Variants in NUP160 observed in about 807,000 individuals in gnomAD.
NUP160 encodes nucleoporin 160, also known as nuclear pore complex protein Nup160.
In NUP160, 94 loss-of-function variants were observed where a neutral mutation model predicts 196.9. The observed-to-expected ratio is 0.48, with a 90% CI of 0.40 to 0.57. The LOEUF is 0.57. Among genes scored for constraint, NUP160 ranks in the 20% least tolerant of loss-of-function variants. The pLI, the probability that NUP160 is intolerant of heterozygous loss-of-function variation, is 0.00. For synonymous variants in NUP160, 605 were observed against 619.7 expected (o/e 0.98, Z 0.35); for missense variants, 1,638 against 1,748.3 (o/e 0.94, Z 1.13).
chr11:47,814,333 G>C (rs1032355222), intron 13 of NUP160, among the ~76,000 whole-genome samples: 1 of 151,752 alleles, frequency 6.6e-6, no homozygotes, highest in Non-Finnish European at 1.5e-5. Context: ...CTGAGCCCAG[G>C]AATTTGAGAC....
intron 27 of NUP160, among the ~76,000 whole-genome samples, chr11:47,795,276 C>A (rs974497029): frequency 1.3e-5 from 2 of 152,060 alleles, no homozygotes; most frequent in Non-Finnish European, 2.9e-5. Flanking sequence ...TTTTGAATAC[C>A]TGCAATATGT....
At chr11:47,831,797 C>T (rs572050708) in intron 7 of NUP160, among the ~76,000 whole-genome samples, 68 of 124,908 alleles carry the variant, frequency 5.4e-4, no homozygotes, top group Admixed American at 9.5e-4. Context: ...GAGCTGAGAT[C>T]GCGCCACTGT....
chr11:47,837,590 G>A, exon 5 of NUP160: 3 of 1,614,072 alleles, frequency 1.9e-6, no homozygotes, highest in Non-Finnish European at 2.5e-6. Context: ...TTGCATTACT[G>A]AACTCTGTTT....
At chr11:47,842,921 G>A (rs775724756) in intron 2 of NUP160, among the ~76,000 whole-genome samples, 3 of 151,982 alleles carry the variant, frequency 2.0e-5, no homozygotes, top group East Asian at 1.9e-4. Context: ...CTAGGAGTTC[G>A]GGCTGCAGTA....
intron 11 of NUP160, among the ~76,000 whole-genome samples, 192 bp downstream of exon 11, chr11:47,817,864 C>T (rs916925659): frequency 1.4e-4 from 21 of 152,072 alleles, no homozygotes; most frequent in African/African-American, 4.3e-4. Flanking sequence ...GTCCCCCCTC[C>T]AACCTCTCCA....
exon 2 of NUP160, chr11:47,847,953 G>A: frequency 1.2e-6 from 2 of 1,613,478 alleles, no homozygotes; most frequent in Non-Finnish European, 8.5e-7. Flanking sequence ...CACGGCATTT[G>A]CAGTCCCTGC....
chr11:47,841,431 A>G, intron 2 of NUP160: 1 of 445,506 alleles, frequency 2.2e-6, no homozygotes, highest in Non-Finnish European at 4.3e-6. Flanking sequence ...CTTGGTTCAC[A>G]GGCGCCACTG....
intron 27 of NUP160, among the ~76,000 whole-genome samples, chr11:47,795,509 CTT>C (rs2097670381): frequency 6.6e-6 from 1 of 152,122 alleles, no homozygotes; most frequent in South Asian, 2.1e-4. Context: ...ACCCCATCTA[CTT>C]TTTTCCAATG....
At chr11:47,829,132 G>A (rs570997018) in intron 7 of NUP160, among the ~76,000 whole-genome samples, 3 of 152,050 alleles carry the variant, frequency 2.0e-5, no homozygotes, top group African/African-American at 7.2e-5. Context: ...GTGCTTCATG[G>A]GACACCATCA....
chr11:47,814,140 T>TCAAACAAACAAA (rs111366014), intron 13 of NUP160, among the ~76,000 whole-genome samples: 3 of 144,426 alleles, frequency 2.1e-5, no homozygotes, highest in Non-Finnish European at 3.0e-5. Context: ...AGACCCTGCC[T>TCAAACAAACAAA]CAAACAAACA....
At chr11:47,800,412 T>TG (rs1464308368) in intron 23 of NUP160, among the ~76,000 whole-genome samples, 4 of 150,486 alleles carry the variant, frequency 2.7e-5, no homozygotes, top group Admixed American at 2.7e-4. Context: ...TTTTTTGAGG[T>TG]GGAGTCTTGT....
chr11:47,815,992 G>GA lies in NUP160; in HGVS notation c.1468dup (p.Ser490PhefsTer4). On this transcript the variant is annotated frameshift_variant, in exon 12 of 36. Transcript: ENST00000378460. LOFTEE classifies it high-confidence loss of function. ...AACTTCTTTCTTCAGTTCACTCCAGGAAAGATCCAAATTCCTCTCAGTTCC... is the reference window on the plus strand; with the variant it reads ...AACTTCTTTCTTCAGTTCACTCCAGGAAAAGATCCAAATTCCTCTCAGTTCC... 6.2e-7 allele frequency: 1 copy of GA among 1,613,758 alleles called. No homozygotes were observed. The highest frequency in any genetic ancestry group is 8.5e-7 in the Non-Finnish European group (1 of 1,179,792).
intron 27 of NUP160, chr11:47,796,400 C>A (rs2097670931): frequency 4.9e-6 from 2 of 409,848 alleles, no homozygotes; most frequent in Admixed American, 3.9e-5. Context: ...TTAAGAAGAA[C>A]CTAATTAAAT....
chr11:47,829,171 G>T (rs913647369), intron 7 of NUP160, among the ~76,000 whole-genome samples: 5 of 136,078 alleles, frequency 3.7e-5, no homozygotes, highest in Non-Finnish European at 7.6e-5. Context: ...TCACGTGGTA[G>T]AAAATACTAC....
chr11:47,780,444 G>A (rs1565183511), exon 35 of NUP160: 2 of 1,604,336 alleles, frequency 1.2e-6, no homozygotes, highest in Non-Finnish European at 1.7e-6. Flanking sequence ...GCGGACAGTG[G>A]AAACTAAAAG....
At chr11:47,799,699 C>G (rs1460009730) in intron 23 of NUP160, among the ~76,000 whole-genome samples, 2 of 151,962 alleles carry the variant, frequency 1.3e-5, no homozygotes, top group African/African-American at 4.8e-5. Context: ...GCATGCACCA[C>G]CATGCCCAGG....
At chr11:47,818,210 A>G in intron 10 of NUP160, 86 bp from the exon 11 acceptor site, 2 of 821,982 alleles carry the variant, frequency 2.4e-6, no homozygotes, top group Admixed American at 2.0e-5. Context: ...AGTTTCTACT[A>G]TATGAACATT....
chr11:47,825,548 G>C (rs1460145925), intron 7 of NUP160, among the ~76,000 whole-genome samples: 1 of 151,588 alleles, frequency 6.6e-6, no homozygotes, highest in Non-Finnish European at 1.5e-5. Flanking sequence ...TGCCTCCTGG[G>C]TTCAAGCAAT....
chr11:47,824,537 G>A lies in NUP160; in HGVS notation c.1102-2373C>T, dbSNP rs182445547. ...AGGTAGGAGAATGGTGTGAACCCGG[G>A]AGGCGGAGCTTGCAGTGAGTCAAGA... On this transcript the variant is annotated intron_variant, in intron 7 of 35. Transcript: ENST00000378460. Among the ~76,000 whole-genome samples, 86 of 152,118 alleles carry A rather than the reference G, an allele frequency of 5.7e-4. 1 individual carries two copies. Among genetic ancestry groups the A allele is most frequent in the Admixed American group, 4.4e-3 (67 of 15,268 alleles).
Sources: allele counts gnomAD v4.1 joint callset (sites outside exome capture counted in the v4.1 genomes callset), GRCh38; gene constraint gnomAD v4.1.1; transcripts MANE v1.5; gene names NCBI Gene and HGNC (gene_info 2026-07-23, HGNC 2026-07-21).